The following UBA6 variants were observed in gnomAD, a reference collection of about 807,000 sequenced individuals.
The protein encoded by UBA6 is ubiquitin like modifier activating enzyme 6.
In UBA6, 87 loss-of-function variants were observed where a neutral mutation model predicts 148.3. The observed-to-expected ratio is 0.59, with a 90% CI of 0.49 to 0.70. The LOEUF is 0.70. Among genes scored for constraint, UBA6 ranks in the 30% least tolerant of loss-of-function variants. The pLI, the probability that UBA6 is intolerant of heterozygous loss-of-function variation, is 0.00. For synonymous variants in UBA6, 376 were observed against 401.0 expected (o/e 0.94, Z 0.75); for missense variants, 1,186 against 1,241.2 (o/e 0.96, Z 0.67).
At chr4:67,668,115 T>C (rs554791817) in intron 9 of UBA6, among the ~76,000 whole-genome samples, 2 of 152,348 alleles carry the variant, frequency 1.3e-5, no homozygotes, top group South Asian at 4.1e-4. Context: ...ACCTATAGTA[T>C]GTGATCAAGT....
intron 8 of UBA6, among the ~76,000 whole-genome samples, chr4:67,670,099 G>C (rs1224558848): frequency 3.9e-5 from 6 of 152,076 alleles, no homozygotes; most frequent in African/African-American, 4.8e-5. Context: ...CACACCACCA[G>C]GCCCGGTTAA....
At position 67,670,569 on chromosome 4, in the gene UBA6, T is replaced by A. The variant is rs368176553; in HGVS notation, c.570A>T (p.Gly190=). The change falls in exon 8 of 33, where the codon GGA becomes GGT. Residue 190 remains glycine (G), a synonymous_variant. Transcript: ENST00000322244. ...AATCACAAAATAACCTTGACCAAAT[T>A]CCATGTACATCTGCACTGATAAACT... ...PIKFISADVH[G]IWSRLFCDFG... 2.6e-5 allele frequency: 42 copies of A among 1,611,778 alleles called. No homozygotes were observed. Among genetic ancestry groups the A allele is most frequent in the Middle Eastern group, 1.6e-4 (1 of 6,074 alleles).
rs776320819 is a variant in UBA6 at position 67,615,489 on chromosome 4, T to C, written c.*3508A>G. On this transcript the variant is annotated 3_prime_UTR_variant, in exon 33 of 33. Transcript: ENST00000322244. ...AACATACTAATGCTTAGAAAAAAAT[T>C]TGTAATCATCTAATAAAATTTAAGA... The C allele has an allele frequency of 1.3e-5, 2 of 152,158 alleles. No individual in the cohort carries two copies. The highest frequency in any genetic ancestry group is 2.4e-5 in the African/African-American group (1 of 41,444). The allele number at this position is 152,158 out of a possible 1,614,324, so 9.4% of individuals were successfully genotyped here.
Position 67,618,700 on chromosome 4 carries a change from CCTT to C in UBA6, c.*294_*296del. The stretch of plus-strand genomic sequence containing the variant: ...TCTGTTCTGGTCATACATATTTTTT[CCTT>C]CTTTTTATCCAGAGAGATTAATACA... On this transcript the variant is annotated 3_prime_UTR_variant, in exon 33 of 33. Transcript: ENST00000322244. 4.4e-6 allele frequency: 1 copy of C among 229,008 alleles called. No homozygotes were observed. Among genetic ancestry groups the C allele is most frequent in the Non-Finnish European group, 8.4e-6 (1 of 118,892 alleles). 14.2% of individuals were successfully genotyped at this position (229,008 alleles called of 1,614,324 possible). A position where few individuals can be genotyped will look rare whatever the true frequency, so the allele number is the denominator to read the frequency against.
At chr4:67,693,952 C>T (rs1730761491) in intron 2 of UBA6, among the ~76,000 whole-genome samples, 2 of 151,850 alleles carry the variant, frequency 1.3e-5, no homozygotes, top group Non-Finnish European at 1.5e-5. Flanking sequence ...CGGTGGCTCG[C>T]GCCTGTAATC....
chr4:67,637,185 A>C (rs1279312956), intron 19 of UBA6, among the ~76,000 whole-genome samples: 1 of 145,242 alleles, frequency 6.9e-6, no homozygotes, highest in Admixed American at 6.8e-5. Flanking sequence ...GTGGGGGGGC[A>C]GCCCCCACCC....
At chr4:67,633,267 G>A (rs1729043009) in intron 23 of UBA6, 78 bp downstream of exon 23, 6 of 1,267,880 alleles carry the variant, frequency 4.7e-6, no homozygotes, top group Non-Finnish European at 6.3e-6. Context: ...ACACATTTCA[G>A]GTCAATGAAA....
chr4:67,696,582 C>T, intron 2 of UBA6, 63 bp downstream of exon 2: 1 of 1,309,158 alleles, frequency 7.6e-7, no homozygotes, highest in Non-Finnish European at 1.1e-6. Context: ...TTCAAAGAGA[C>T]TACTTGATTA....
chr4:67,688,431 TAGAG>T (rs1397202907), intron 2 of UBA6, among the ~76,000 whole-genome samples: 1 of 151,630 alleles, frequency 6.6e-6, no homozygotes, highest in African/African-American at 2.4e-5. Context: ...AGACCAAAAA[TAGAG>T]AGAACTCAGA....
chr4:67,691,045 C>T (rs145932359), intron 2 of UBA6, among the ~76,000 whole-genome samples: 154 of 151,980 alleles, frequency 1.0e-3, no homozygotes, highest in African/African-American at 3.5e-3. Context: ...ATAGTTGTCC[C>T]GTGAACAACA....
At chr4:67,698,498 C>A (rs1430603168) in intron 1 of UBA6, among the ~76,000 whole-genome samples, 1 of 152,134 alleles carries the variant, frequency 6.6e-6, no homozygotes, top group Non-Finnish European at 1.5e-5. Flanking sequence ...CTATCTCCAA[C>A]GAACAGATGG....
Position 67,662,248 on chromosome 4 carries a change from G to T in UBA6, c.1045C>A (p.Gln349Lys). ...YSRKPNVGCQ[Q>K]DSEELLKLAT... ...AGTTTCAACAGTTCTTCTGAATCTTGTTGGCATCTACAACTCAAAACAGAA... is the reference window on the plus strand; with the variant it reads ...AGTTTCAACAGTTCTTCTGAATCTTTTTGGCATCTACAACTCAAAACAGAA... The change falls in exon 13 of 33, where the codon CAA (glutamine) becomes AAA (lysine). Residue 349 changes from glutamine to lysine, a missense_variant. Transcript: ENST00000322244. 8 of 1,613,324 alleles carry T rather than the reference G, an allele frequency of 5.0e-6. No homozygotes were observed. Among genetic ancestry groups the T allele is most frequent in the South Asian group, 2.2e-5 (2 of 91,020 alleles).
rs1434452875 is a variant in UBA6 at position 67,668,596 on chromosome 4, T to C, written c.748A>G (p.Ile250Val). 6.2e-6 allele frequency: 10 copies of C among 1,613,096 alleles called. No homozygotes were observed. The highest frequency in any genetic ancestry group is 2.2e-5 in the East Asian group (1 of 44,836). ...ETGQFLTFRE[I>V]NGMTGLNGSI... The stretch of plus-strand genomic sequence containing the variant: ...CCATTTAAACCTGTCATTCCATTAA[T>C]TTCTCGAAATGTTAGGAATTGTCCT... The change falls in exon 9 of 33, where the codon ATT (isoleucine) becomes GTT (valine). Residue 250 changes from isoleucine (I) to valine (V), a missense_variant. By Grantham distance (29) the Ile-to-Val change is conservative (BLOSUM62 3). Transcript: ENST00000322244.
At chr4:67,623,057 C>A in intron 31 of UBA6, 78 bp downstream of exon 31, 3 of 1,351,834 alleles carry the variant, frequency 2.2e-6, no homozygotes, top group East Asian at 2.4e-5. Context: ...TTATAACTTC[C>A]AATAAAATTA....
chr4:67,686,842 T>C (rs891262544), intron 2 of UBA6, among the ~76,000 whole-genome samples: 2 of 150,826 alleles, frequency 1.3e-5, no homozygotes, highest in Non-Finnish European at 3.0e-5. Context: ...TGGTCCTACC[T>C]TCTCAGGAGG....
Position 67,617,645 on chromosome 4 carries a change from T to C in UBA6, c.*1352A>G, listed in dbSNP as rs546459348. The C allele has an allele frequency of 6.6e-6, 1 of 152,196 alleles. No homozygotes were observed. Among genetic ancestry groups the C allele is most frequent in the South Asian group, 2.1e-4 (1 of 4,830 alleles). The allele number at this position is 152,196 out of a possible 1,614,324, so 9.4% of individuals were successfully genotyped here. The stretch of plus-strand genomic sequence containing the variant: ...ATTTGTAAATGAAATAAAAAGAAAG[T>C]AGGTATAATACATAGTGTAAAAGAT... On this transcript the variant is annotated 3_prime_UTR_variant, in exon 33 of 33. Transcript: ENST00000322244.
chr4:67,622,416 T>C (rs560977719), intron 32 of UBA6, among the ~76,000 whole-genome samples: 133 of 152,338 alleles, frequency 8.7e-4, no homozygotes, highest in Non-Finnish European at 1.8e-3. Flanking sequence ...GCAAACTCCT[T>C]AAGTAGGAAA....
rs71669108 is a variant in UBA6 at position 67,618,032 on chromosome 4, TA to T, written c.*964del. 21 of 129,944 alleles carry T rather than the reference TA, an allele frequency of 1.6e-4. No homozygotes were observed. Among genetic ancestry groups the T allele is most frequent in the South Asian group, 2.4e-4 (1 of 4,210 alleles). 8.0% of individuals were successfully genotyped at this position (129,944 alleles called of 1,614,324 possible). On this transcript the variant is annotated 3_prime_UTR_variant, in exon 33 of 33. Coordinates refer to ENST00000322244, the MANE Select transcript of UBA6 (RefSeq NM_018227.6). ...GGGAATGAAATAACATGCTTCTGTTTAAAAAAAAAAAACAAAAAAAACACAA... is the reference window on the plus strand; with the variant it reads ...GGGAATGAAATAACATGCTTCTGTTTAAAAAAAAAAACAAAAAAAACACAA...
intron 6 of UBA6, among the ~76,000 whole-genome samples, chr4:67,674,658 G>A (rs761141794): frequency 1.3e-5 from 2 of 152,080 alleles, no homozygotes; most frequent in African/African-American, 2.4e-5. Flanking sequence ...AGGATAGTTT[G>A]CAAATAATAA....
Sources: allele counts gnomAD v4.1 joint callset (sites outside exome capture counted in the v4.1 genomes callset), GRCh38; gene constraint gnomAD v4.1.1; transcripts MANE v1.5; gene names NCBI Gene and HGNC (gene_info 2026-07-23, HGNC 2026-07-21).